The following ASTN2 variants were observed in gnomAD, a reference collection of about 807,000 sequenced individuals.
ASTN2 encodes astrotactin-2.
ASTN2 carries 54 observed loss-of-function variants against 139.8 expected under a neutral mutation model. The observed-to-expected ratio is 0.39, with a 90% CI of 0.31 to 0.48. The LOEUF (loss-of-function observed/expected upper bound fraction) is 0.48. Ranked by LOEUF, ASTN2 falls within the 20% of genes least tolerant of loss-of-function variation. The probability of loss-of-function intolerance (pLI) is 0.95; values close to 1 mark genes in which losing one functional copy is unlikely to be tolerated. For missense variants in ASTN2, 1,565 were observed against 1,725.1 expected (o/e 0.91, Z 1.64); for synonymous variants, 756 against 719.5 (o/e 1.05, Z -0.81).
At chr9:117,099,378 C>T (rs1828918837) in intron 4 of ASTN2, among the ~76,000 whole-genome samples, 1 of 152,166 alleles carries the variant, frequency 6.6e-6, no homozygotes, top group South Asian at 2.1e-4. Flanking sequence ...CTTCCAATCT[C>T]CACTTTATCT....
chr9:117,204,485 A>G (rs1470854093), intron 3 of ASTN2, among the ~76,000 whole-genome samples: 4 of 151,778 alleles, frequency 2.6e-5, no homozygotes. Flanking sequence ...AGGACACTGT[A>G]CTCTCTCTCA....
chr9:116,613,839 C>G (rs10983271), intron 19 of ASTN2, among the ~76,000 whole-genome samples: 23,863 of 152,186 alleles, frequency 0.16, 2,397 homozygotes, highest in Non-Finnish European at 0.23. Flanking sequence ...CCTCTCTCAC[C>G]ACTCCTATTC....
chr9:117,359,671 T>C (rs954756228), intron 1 of ASTN2, among the ~76,000 whole-genome samples: 2 of 152,130 alleles, frequency 1.3e-5, no homozygotes, highest in East Asian at 3.9e-4. Flanking sequence ...GCCAGCACAG[T>C]GTAGATGTCA....
intron 10 of ASTN2, among the ~76,000 whole-genome samples, chr9:116,895,893 T>C (rs1386279482): frequency 6.6e-6 from 1 of 151,798 alleles, no homozygotes; most frequent in Non-Finnish European, 1.5e-5. Flanking sequence ...AAAAAGGGAG[T>C]GGAATTAGGT....
chr9:117,189,626 G>A (rs899219606), intron 3 of ASTN2, among the ~76,000 whole-genome samples: 1 of 152,142 alleles, frequency 6.6e-6, no homozygotes, highest in Non-Finnish European at 1.5e-5. Context: ...CAAGAATACT[G>A]CAAAACAAGT....
At chr9:116,554,957 C>T (rs1852534921) in intron 19 of ASTN2, among the ~76,000 whole-genome samples, 1 of 152,114 alleles carries the variant, frequency 6.6e-6, no homozygotes, top group Non-Finnish European at 1.5e-5. Flanking sequence ...TTTCCAGGGT[C>T]TTTCGAGGAG....
intron 3 of ASTN2, among the ~76,000 whole-genome samples, chr9:117,147,847 T>G (rs966968041): frequency 3.9e-5 from 6 of 152,194 alleles, no homozygotes; most frequent in African/African-American, 1.4e-4. Context: ...GCCTTATCTG[T>G]TGCTGCACTC....
chr9:116,995,405 G>A (rs1836986602), intron 7 of ASTN2, among the ~76,000 whole-genome samples: 1 of 152,178 alleles, frequency 6.6e-6, no homozygotes, highest in African/African-American at 2.4e-5. Flanking sequence ...TGGGATTAGA[G>A]GCCATGGAGT....
chr9:117,272,260 G>T (rs910696709), intron 2 of ASTN2, among the ~76,000 whole-genome samples: 1 of 152,188 alleles, frequency 6.6e-6, no homozygotes, highest in African/African-American at 2.4e-5. Context: ...GCTGTACATT[G>T]GCCCCTTTCA....
intron 6 of ASTN2, among the ~76,000 whole-genome samples, chr9:117,015,257 G>A (rs1837641811): frequency 6.6e-6 from 1 of 152,038 alleles, no homozygotes; most frequent in East Asian, 1.9e-4. Flanking sequence ...GGGCTCAAGC[G>A]ATCCACCTGC....
chr9:116,861,777 G>A (rs1224352964), intron 11 of ASTN2, among the ~76,000 whole-genome samples: 2 of 152,182 alleles, frequency 1.3e-5, no homozygotes, highest in Non-Finnish European at 2.9e-5. Context: ...AAGGAATCTG[G>A]TGACAGTAGT....
chr9:116,751,863 AAAAT>A (rs1347319039), intron 13 of ASTN2, among the ~76,000 whole-genome samples: 11 of 152,184 alleles, frequency 7.2e-5, no homozygotes, highest in Admixed American at 5.9e-4. Context: ...ATAAAAGATC[AAAAT>A]AAATAAAAGG....
intron 5 of ASTN2, among the ~76,000 whole-genome samples, chr9:117,058,599 CTG>C (rs1374855842): frequency 6.6e-6 from 1 of 152,210 alleles, no homozygotes; most frequent in Non-Finnish European, 1.5e-5. Context: ...GCCTCTGAAA[CTG>C]TATCTATACT....
chr9:116,618,524 G>A (rs755791484), intron 18 of ASTN2, 52 bp from the exon 19 acceptor site: 8 of 1,554,660 alleles, frequency 5.1e-6, no homozygotes, highest in South Asian at 2.4e-5. Context: ...ACCAGCTGGG[G>A]CCCAAAAGAA....
chr9:116,558,079 ATATCC>A (rs1196878865), intron 19 of ASTN2, among the ~76,000 whole-genome samples: 1 of 152,208 alleles, frequency 6.6e-6, no homozygotes, highest in Non-Finnish European at 1.5e-5. Context: ...ACTATGGACC[ATATCC>A]TATATCATGG....
chr9:117,124,980 T>A (rs1419403586), intron 4 of ASTN2, among the ~76,000 whole-genome samples: 1 of 152,140 alleles, frequency 6.6e-6, no homozygotes, highest in Non-Finnish European at 1.5e-5. Flanking sequence ...AGATAGTAGG[T>A]GCAAAAATGT....
At chr9:117,136,599 G>T (rs959240832) in intron 4 of ASTN2, among the ~76,000 whole-genome samples, 1 of 152,154 alleles carries the variant, frequency 6.6e-6, no homozygotes, top group Non-Finnish European at 1.5e-5. Context: ...CAAATTTACT[G>T]TGTTTTCAAA....
chr9:117,227,176 CGTT>C (rs1304220882), intron 2 of ASTN2, among the ~76,000 whole-genome samples: 1 of 152,148 alleles, frequency 6.6e-6, no homozygotes, highest in African/African-American at 2.4e-5. Flanking sequence ...GACAGAGTCA[CGTT>C]GGTGAAGGCT....
chr9:116,864,419 G>A (rs1307441798), intron 10 of ASTN2, among the ~76,000 whole-genome samples: 1 of 152,074 alleles, frequency 6.6e-6, no homozygotes, highest in Admixed American at 6.6e-5. Context: ...GGGATTCCAG[G>A]GAAATACGTG....
Sources: allele counts gnomAD v4.1 joint callset (sites outside exome capture counted in the v4.1 genomes callset), GRCh38; gene constraint gnomAD v4.1.1; transcripts MANE v1.5; gene names NCBI Gene and HGNC (gene_info 2026-07-23, HGNC 2026-07-21).